The following SLC38A9 variants were observed in gnomAD, a reference collection of about 807,000 sequenced individuals.
SLC38A9 encodes neutral amino acid transporter 9.
SLC38A9 carries 48 observed loss-of-function variants against 62.3 expected under a neutral mutation model. The observed-to-expected ratio is 0.77, with a 90% CI of 0.61 to 0.98. The LOEUF is 0.98. Ranked by LOEUF, SLC38A9 falls within the 50% of genes least tolerant of loss-of-function variation. The probability of loss-of-function intolerance (pLI) is 0.00; values close to 1 mark genes in which losing one functional copy is unlikely to be tolerated. For missense variants in SLC38A9, 541 were observed against 679.8 expected, an observed-to-expected ratio of 0.80 and a Z score of 2.27; for synonymous variants, 204 against 227.7, an observed-to-expected ratio of 0.90 and a Z score of 0.94.
chr5:55,646,234 G>A (rs2150137445), intron 11 of SLC38A9, among the ~76,000 whole-genome samples: 1 of 152,280 alleles, frequency 6.6e-6, no homozygotes, highest in Admixed American at 6.5e-5. Context: ...AAATTAGCGT[G>A]GTGGTGGAAG....
rs73119722 is a variant in SLC38A9, at chr5:55,627,877, T to C, written c.1520+14A>G. On this transcript the variant is annotated intron_variant, in intron 15 of 15. Coordinates refer to ENST00000396865, the MANE Select transcript of SLC38A9 (RefSeq NM_173514.4). ...CAATATATGTAAGGGCACCATTCCC[T>C]TACAAGGCAGTACCTTATGATCCCT... The C allele has an allele frequency of 0.026, 39,763 of 1,552,930 alleles. 787 individuals are homozygous for C. The highest frequency in any genetic ancestry group is 0.093 in the African/African-American group (6,834 of 73,636).
At chr5:55,687,240 C>A (rs1482851799) in intron 3 of SLC38A9, among the ~76,000 whole-genome samples, 1 of 150,238 alleles carries the variant, frequency 6.7e-6, no homozygotes, top group Non-Finnish European at 1.5e-5. Context: ...GAGATCGAGA[C>A]CACGGTGAAA....
intron 12 of SLC38A9, among the ~76,000 whole-genome samples, chr5:55,638,228 G>T (rs373645291): frequency 6.6e-6 from 1 of 152,106 alleles, no homozygotes; most frequent in South Asian, 2.1e-4. Context: ...TGCCACTTAT[G>T]AACAGTATAC....
intron 3 of SLC38A9, among the ~76,000 whole-genome samples, chr5:55,688,924 T>C (rs1398089304): frequency 1.3e-5 from 2 of 152,110 alleles, no homozygotes; most frequent in Non-Finnish European, 2.9e-5. Flanking sequence ...TTGAAATTAA[T>C]AAGACAATTT....
intron 7 of SLC38A9, among the ~76,000 whole-genome samples, chr5:55,668,220 G>A (rs919420175): frequency 6.6e-6 from 1 of 152,030 alleles, no homozygotes; most frequent in African/African-American, 2.4e-5. Flanking sequence ...AACTCTGTGG[G>A]GGCTCTGTTC....
At chr5:55,698,538 A>G (rs1561440202) in intron 2 of SLC38A9, among the ~76,000 whole-genome samples, 1 of 152,196 alleles carries the variant, frequency 6.6e-6, no homozygotes, top group Non-Finnish European at 1.5e-5. Flanking sequence ...CCACTTCCCC[A>G]CCACAATACA....
intron 7 of SLC38A9, among the ~76,000 whole-genome samples, chr5:55,666,069 G>A (rs34867210): frequency 0.65 from 98,050 of 151,594 alleles, 31,917 homozygotes; most frequent in South Asian, 0.73. Context: ...TAGAGCTGCC[G>A]TGTGCAACTG....
chr5:55,645,318 G>A (rs1227552516), intron 12 of SLC38A9, among the ~76,000 whole-genome samples: 1 of 152,156 alleles, frequency 6.6e-6, no homozygotes, highest in Non-Finnish European at 1.5e-5. Flanking sequence ...GACTCCCAAA[G>A]TGCTGGTATT....
rs1340386665 is a variant in SLC38A9 at position 55,626,514 on chromosome 5, T to C, written c.1666A>G (p.Ile556Val). 8 of 1,610,394 alleles carry C rather than the reference T, an allele frequency of 5.0e-6. No homozygotes were observed. The highest frequency in any genetic ancestry group is 6.8e-6 in the Non-Finnish European group (8 of 1,178,532). Residue 556 changes from isoleucine to valine, a missense_variant, in exon 16 of 16, where the codon ATT (isoleucine) becomes GTT (valine). Transcript: ENST00000396865. ...GTATTTCACATAAAAAACTGAACAA[T>C]CAGGTTAGCCACGCCCAAAATGATG... ...FIIILGVANL[I>V]VQFFM is the part of the protein sequence containing the mutation.
intron 3 of SLC38A9, among the ~76,000 whole-genome samples, chr5:55,687,076 T>TG (rs70995722): frequency 0.048 from 6,761 of 141,218 alleles, 363 homozygotes; most frequent in East Asian, 0.23. Flanking sequence ...TTTTTTTTTT[T>TG]TTTTTTTTTT....
At chr5:55,634,266 T>C (rs1041049556) in intron 13 of SLC38A9, 1 of 161,856 alleles carries the variant, frequency 6.2e-6, no homozygotes, top group African/African-American at 2.4e-5. Context: ...ACTTTAAAGA[T>C]GTAAAGAGCT....
Position 55,649,296 on chromosome 5 carries a change from T to A in SLC38A9, c.971A>T (p.Tyr324Phe). Residue 324 changes from tyrosine to phenylalanine, a missense_variant, in exon 11 of 16, where the codon TAT (tyrosine) becomes TTT (phenylalanine). Transcript: ENST00000396865. ...FNILGTVSVL[Y>F]LIFLVTFKAV... ...CTTAAAGGTGACAAGGAAAATCAAA[T>A]AAAGGACAGACACTGTGCCTGTGAG... 2 of 1,602,998 alleles carry A rather than the reference T, an allele frequency of 1.2e-6. No homozygotes were observed. The highest frequency in any genetic ancestry group is 1.7e-6 in the Non-Finnish European group (2 of 1,175,778).
At chr5:55,663,840 T>A (rs571194816) in intron 8 of SLC38A9, among the ~76,000 whole-genome samples, 1 of 152,312 alleles carries the variant, frequency 6.6e-6, no homozygotes, top group South Asian at 2.1e-4. Context: ...ATTCAAAGGC[T>A]CTTAGGGAAA....
chr5:55,625,985 G>A lies in SLC38A9; in HGVS notation c.*509C>T, dbSNP rs1742365081. The A allele has an allele frequency of 6.5e-6, 1 of 152,918 alleles. No homozygotes were observed. Among genetic ancestry groups the A allele is most frequent in the African/African-American group, 2.4e-5 (1 of 41,420 alleles). The allele number at this position is 152,918 out of a possible 1,614,324, so 9.5% of individuals were successfully genotyped here. On this transcript the variant is annotated 3_prime_UTR_variant, in exon 16 of 16. Transcript: ENST00000396865. Reference sequence around the variant, plus strand: ...GTTAAAAATGTACTTTATTAACACTGATGCCATGAAAACTTCTTTTTAAAA... The same window carrying A: ...GTTAAAAATGTACTTTATTAACACTAATGCCATGAAAACTTCTTTTTAAAA...
At chr5:55,708,155 C>T (rs961100475) in intron 2 of SLC38A9, among the ~76,000 whole-genome samples, 3 of 152,180 alleles carry the variant, frequency 2.0e-5, no homozygotes, top group Non-Finnish European at 2.9e-5. Context: ...TTGGTACTTT[C>T]GACTTTTATT....
chr5:55,677,384 A>G (rs1752251604), intron 3 of SLC38A9, among the ~76,000 whole-genome samples: 1 of 152,158 alleles, frequency 6.6e-6, no homozygotes, highest in South Asian at 2.1e-4. Flanking sequence ...GTAAACTTCC[A>G]CCCAGTGTGT....
intron 2 of SLC38A9, among the ~76,000 whole-genome samples, chr5:55,701,200 T>C (rs1756602113): frequency 6.6e-6 from 1 of 152,208 alleles, no homozygotes; most frequent in Non-Finnish European, 1.5e-5. Flanking sequence ...ATTTAGGCAA[T>C]GACAATTTCC....
At chr5:55,629,880 ATG>A (rs1160361471) in intron 14 of SLC38A9, among the ~76,000 whole-genome samples, 2 of 152,224 alleles carry the variant, frequency 1.3e-5, no homozygotes, top group African/African-American at 4.8e-5. Flanking sequence ...GATAGTATTA[ATG>A]AAAGTGGGTT....
chr5:55,629,035 A>T (rs936883814), intron 14 of SLC38A9, among the ~76,000 whole-genome samples: 1 of 151,096 alleles, frequency 6.6e-6, no homozygotes, highest in Non-Finnish European at 1.5e-5. Flanking sequence ...AATTAGAAAG[A>T]TATTAGGGCT....
Sources: gnomAD v4.1 joint callset for allele counts (sites outside exome capture counted in the v4.1 genomes callset) on GRCh38, gnomAD v4.1.1 for gene constraint, MANE v1.5 for transcripts, NCBI Gene and HGNC (gene_info 2026-07-23, HGNC 2026-07-21) for gene names.